Variants in EYS observed in about 807,000 individuals in gnomAD.
EYS encodes the protein EGF-like photoreceptor maintenance factor.
A neutral mutation model predicts 282.1 loss-of-function variants in EYS; 250 were observed. The observed-to-expected ratio is 0.89, with a 90% CI of 0.80 to 0.98. EYS has a LOEUF of 0.98. EYS is among the 50% of genes least tolerant of loss of function. The probability of loss-of-function intolerance (pLI) is 0.00; values close to 1 mark genes in which losing one functional copy is unlikely to be tolerated. For missense variants in EYS, 4,016 were observed against 3,709.0 expected, an observed-to-expected ratio of 1.08 and a Z score of -2.15; for synonymous variants, 1,355 against 1,282.9, an observed-to-expected ratio of 1.06 and a Z score of -1.20.
intron 24 of EYS, among the ~76,000 whole-genome samples, chr6:64,605,597 C>T (rs978561609): frequency 6.6e-6 from 1 of 151,626 alleles, no homozygotes; most frequent in African/African-American, 2.4e-5. Context: ...AAATTCTCAC[C>T]TAATTGAAAT....
At chr6:64,176,478 A>G (rs1425582816) in intron 31 of EYS, among the ~76,000 whole-genome samples, 1 of 151,832 alleles carries the variant, frequency 6.6e-6, no homozygotes, top group Non-Finnish European at 1.5e-5. Context: ...GCATAGCAGA[A>G]TAAATTTTAA....
At chr6:64,067,771 T>C (rs1242573747) in intron 32 of EYS, among the ~76,000 whole-genome samples, 1 of 152,144 alleles carries the variant, frequency 6.6e-6, no homozygotes, top group Admixed American at 6.6e-5. Context: ...TTGCAAATAA[T>C]GAGGGACTAC....
At position 65,543,377 on chromosome 6, in the gene EYS, T is replaced by C. The variant is rs1582436249; in HGVS notation, c.-332-47384A>G. On this transcript the variant is annotated intron_variant, in intron 2 of 42. Transcript: ENST00000503581. ...TTATGTTTTGCTAAATATTTATATA[T>C]ATTATATAATTATATATGTAAATAT... 2.0e-5 allele frequency among the ~76,000 whole-genome samples: 3 copies of C among 148,076 alleles called. No homozygotes were observed. In the Middle Eastern group the frequency reaches 0.011, roughly 529 times the overall value.
chr6:65,082,813 A>ACT (rs10654712), intron 12 of EYS, among the ~76,000 whole-genome samples: 51,749 of 151,632 alleles, frequency 0.34, 9,356 homozygotes, highest in African/African-American at 0.43. Context: ...TGATTTTTTC[A>ACT]CTGATATATG....
At chr6:65,449,447 C>A (rs1251858957) in intron 5 of EYS, among the ~76,000 whole-genome samples, 1 of 152,006 alleles carries the variant, frequency 6.6e-6, no homozygotes, top group Admixed American at 6.6e-5. Context: ...TGTTATCTTT[C>A]TCAAACCTTA....
intron 40 of EYS, among the ~76,000 whole-genome samples, chr6:63,768,468 TTAAG>T (rs1489491609): frequency 6.6e-6 from 1 of 151,922 alleles, no homozygotes; most frequent in East Asian, 1.9e-4. Context: ...AACAAATAGA[TTAAG>T]TAATGCTCAA....
rs1404418616 is a variant in EYS, at chr6:64,001,924, C to A, written c.6726-2741G>T. 2.0e-5 allele frequency among the ~76,000 whole-genome samples: 3 copies of A among 152,158 alleles called. No homozygotes were observed. In the East Asian group the frequency reaches 5.8e-4, roughly 29 times the overall value. ...GCAGGGTCCCTGGCAAGGGCTCCAC[C>A]CTTTGGCCTGTGCCTGAGAAACTAA... On this transcript the variant is annotated intron_variant, in intron 33 of 42. Coordinates refer to ENST00000503581, the MANE Select transcript of EYS (RefSeq NM_001142800.2).
chr6:64,506,746 A>G (rs370650080), intron 26 of EYS, among the ~76,000 whole-genome samples: 40 of 152,078 alleles, frequency 2.6e-4, no homozygotes, highest in Admixed American at 6.5e-4. Flanking sequence ...CCCCGTCTCT[A>G]CTAAAAATAC....
chr6:63,952,662 A>G (rs1355925202), intron 35 of EYS, among the ~76,000 whole-genome samples: 2 of 152,170 alleles, frequency 1.3e-5, no homozygotes, highest in Non-Finnish European at 2.9e-5. Flanking sequence ...TAACTAAATT[A>G]TCTGCTTCCC....
chr6:64,699,718 A>T (rs1231114354), intron 22 of EYS, among the ~76,000 whole-genome samples: 1 of 152,092 alleles, frequency 6.6e-6, no homozygotes, highest in Non-Finnish European at 1.5e-5. Context: ...TCTCCCAACC[A>T]AAAATTCCCA....
At chr6:64,323,574 T>G (rs1197059603) in intron 29 of EYS, among the ~76,000 whole-genome samples, 1 of 152,142 alleles carries the variant, frequency 6.6e-6, no homozygotes, top group Non-Finnish European at 1.5e-5. Context: ...GTGATATATT[T>G]GGGTTCATGT....
intron 12 of EYS, among the ~76,000 whole-genome samples, chr6:65,141,769 G>A (rs1764351733): frequency 6.6e-6 from 1 of 151,840 alleles, no homozygotes; most frequent in African/African-American, 2.4e-5. Flanking sequence ...GAAGTTCGGG[G>A]GCAAGAGTGA....
At chr6:64,808,544 G>A (rs1447195412) in intron 22 of EYS, among the ~76,000 whole-genome samples, 1 of 151,680 alleles carries the variant, frequency 6.6e-6, no homozygotes, top group Non-Finnish European at 1.5e-5. Flanking sequence ...CAGGTTCAGT[G>A]TCTCTAAATG....
intron 22 of EYS, among the ~76,000 whole-genome samples, chr6:64,634,840 T>A (rs1767917679): frequency 6.6e-6 from 1 of 152,198 alleles, no homozygotes; most frequent in South Asian, 2.1e-4. Context: ...AAATTAGATT[T>A]TTATTAAGGG....
At chr6:64,290,680 G>T (rs562965199) in intron 30 of EYS, among the ~76,000 whole-genome samples, 1 of 152,006 alleles carries the variant, frequency 6.6e-6, no homozygotes, top group Admixed American at 6.6e-5. Flanking sequence ...CTTCCAGAAC[G>T]AAGGTGAGGG....
chr6:64,247,599 A>G (rs1046228222), intron 30 of EYS, among the ~76,000 whole-genome samples: 1 of 152,204 alleles, frequency 6.6e-6, no homozygotes, highest in Admixed American at 6.5e-5. Flanking sequence ...GGTGACCAGT[A>G]AAACCGGGAC....
intron 13 of EYS, among the ~76,000 whole-genome samples, chr6:65,005,511 G>A (rs1771616177): frequency 6.8e-6 from 1 of 147,398 alleles, no homozygotes; most frequent in Admixed American, 6.7e-5. Context: ...CGACCACGAA[G>A]GGACCTCCAA....
intron 22 of EYS, among the ~76,000 whole-genome samples, chr6:64,664,605 C>T (rs1234168781): frequency 6.6e-6 from 1 of 152,164 alleles, no homozygotes; most frequent in Non-Finnish European, 1.5e-5. Context: ...TTAACCTTCA[C>T]AGCTGGGTTT....
At chr6:64,237,405 T>C (rs1305990656) in intron 30 of EYS, among the ~76,000 whole-genome samples, 2 of 152,316 alleles carry the variant, frequency 1.3e-5, no homozygotes, top group Admixed American at 6.5e-5. Flanking sequence ...TCAAATGTTA[T>C]AGCTATAAAC....
Sources: allele counts gnomAD v4.1 joint callset (sites outside exome capture counted in the v4.1 genomes callset), GRCh38; gene constraint gnomAD v4.1.1; transcripts MANE v1.5; gene names NCBI Gene and HGNC (gene_info 2026-07-23, HGNC 2026-07-21).